Variants in DHX40 observed in about 807,000 individuals in gnomAD.
The protein encoded by DHX40 is probable ATP-dependent RNA helicase DHX40.
Under a neutral mutation model 89.6 loss-of-function variants are expected in DHX40, and 28 were observed. The observed-to-expected ratio is 0.31, with a 90% CI of 0.23 to 0.43. The LOEUF (loss-of-function observed/expected upper bound fraction) is 0.43, where lower values mean the gene tolerates loss of function less well. Among genes scored for constraint, DHX40 ranks in the 20% least tolerant of loss-of-function variants. The probability of loss-of-function intolerance (pLI) is 1.00; values close to 1 mark genes in which losing one functional copy is unlikely to be tolerated. For synonymous variants in DHX40, 226 were observed against 283.6 expected, an observed-to-expected ratio of 0.80 and a Z score of 2.04; for missense variants, 457 against 844.0, an observed-to-expected ratio of 0.54 and a Z score of 5.68.
At chr17:59,568,699 T>C (rs2048743174) in intron 2 of DHX40, among the ~76,000 whole-genome samples, 2 of 152,030 alleles carry the variant, frequency 1.3e-5, no homozygotes, top group Admixed American at 1.3e-4. Flanking sequence ...GGACCTCCAC[T>C]GACTGTAGGT....
At chr17:59,566,836 T>TA in intron 2 of DHX40, 42 bp downstream of exon 2, 1 of 1,512,392 alleles carries the variant, frequency 6.6e-7, no homozygotes, top group Non-Finnish European at 8.8e-7. Context: ...ATTTTAAAAA[T>TA]ATCCTCTTTT....
chr17:59,571,578 C>G (rs1023838946), intron 3 of DHX40, among the ~76,000 whole-genome samples: 1 of 151,814 alleles, frequency 6.6e-6, no homozygotes, highest in African/African-American at 2.4e-5. Context: ...TCTCCCTCCC[C>G]CTAGCCTCTG....
At chr17:59,589,678 C>CA (rs1382433382) in intron 12 of DHX40, among the ~76,000 whole-genome samples, 2 of 135,444 alleles carry the variant, frequency 1.5e-5, no homozygotes, top group African/African-American at 5.7e-5. Context: ...TGAGGGTTTA[C>CA]CGTGCCTTAG....
intron 14 of DHX40, among the ~76,000 whole-genome samples, chr17:59,602,293 C>T (rs1287419333): frequency 1.3e-5 from 2 of 152,132 alleles, no homozygotes; most frequent in Non-Finnish European, 2.9e-5. Context: ...GGGCGTACTG[C>T]GTTTATTTCC....
Position 59,607,054 on chromosome 17 carries a change from TAAAG to T in DHX40, c.2226_2229del (p.Lys743CysfsTer77), listed in dbSNP as rs1352695830. On this transcript the variant is annotated frameshift_variant, in exon 18 of 18. Coordinates refer to ENST00000251241, the MANE Select transcript of DHX40 (RefSeq NM_024612.5). LOFTEE classifies it high-confidence loss of function. ...TCAGATGGAATATCGAAAGACGTCT[TAAAG>T]AAAATGCAAAGAAGAAATGATGACA... 5.0e-6 allele frequency: 8 copies of T among 1,613,646 alleles called. No homozygotes were observed. Among genetic ancestry groups the T allele is most frequent in the South Asian group, 1.1e-5 (1 of 90,950 alleles).
At chr17:59,567,464 G>C (rs955744592) in intron 2 of DHX40, among the ~76,000 whole-genome samples, 8 of 152,188 alleles carry the variant, frequency 5.3e-5, no homozygotes, top group African/African-American at 1.9e-4. Flanking sequence ...ACTTTGACAA[G>C]AAAAGTAACT....
intron 10 of DHX40, among the ~76,000 whole-genome samples, chr17:59,585,369 C>A (rs2048978611): frequency 7.1e-6 from 1 of 141,516 alleles, no homozygotes; most frequent in East Asian, 2.1e-4. Context: ...CACTGCACTC[C>A]AACCTGGGCA....
intron 14 of DHX40, among the ~76,000 whole-genome samples, chr17:59,600,918 C>A (rs1375224201): frequency 7.0e-6 from 1 of 143,766 alleles, no homozygotes; most frequent in Non-Finnish European, 1.5e-5. Flanking sequence ...AAAACATTTA[C>A]AATGTTGTGC....
chr17:59,571,319 C>T (rs947751339), intron 3 of DHX40, among the ~76,000 whole-genome samples: 7 of 151,652 alleles, frequency 4.6e-5, no homozygotes, highest in Admixed American at 2.0e-4. Context: ...TAGCTGGGCA[C>T]GGTGGTGCAT....
At chr17:59,589,092 A>G (rs536877770) in intron 12 of DHX40, among the ~76,000 whole-genome samples, 2 of 151,742 alleles carry the variant, frequency 1.3e-5, no homozygotes, top group South Asian at 4.2e-4. Flanking sequence ...TTGGAGCTTT[A>G]TAGTAACTCT....
intron 4 of DHX40, among the ~76,000 whole-genome samples, 157 bp downstream of exon 4, chr17:59,573,392 C>T (rs1387139891): frequency 3.3e-5 from 5 of 152,114 alleles, no homozygotes; most frequent in Admixed American, 1.3e-4. Flanking sequence ...AGCAGTGGCA[C>T]GATCATAGCT....
chr17:59,565,709 G>A lies in DHX40; in HGVS notation c.38G>A (p.Arg13Lys). ...RFPAVAGRAP[R>K]RQEEGERSRD... is the part of the protein sequence containing the mutation. ...CCCGCAGTCGCGGGCAGGGCGCCAA[G>A]GCGGCAGGAGGAGGGTGAGCGGTCA... Residue 13 changes from arginine (R) to lysine (K), a missense_variant, in exon 1 of 18, where the codon AGG becomes AAG. By Grantham distance (26) the Arg-to-Lys change is conservative (BLOSUM62 2). Coordinates refer to ENST00000251241, the MANE Select transcript of DHX40 (RefSeq NM_024612.5). 1 of 1,604,044 alleles carries A rather than the reference G, an allele frequency of 6.2e-7. No homozygotes were observed. Among genetic ancestry groups the A allele is most frequent in the Non-Finnish European group, 8.5e-7 (1 of 1,179,702 alleles).
intron 11 of DHX40, among the ~76,000 whole-genome samples, chr17:59,586,500 A>C (rs2143282441): frequency 6.6e-6 from 1 of 151,794 alleles, no homozygotes; most frequent in South Asian, 2.1e-4. Context: ...GTCTCTACTA[A>C]AAATACAAAA....
At chr17:59,574,425 A>C (rs1355579273) in intron 6 of DHX40, among the ~76,000 whole-genome samples, 171 bp downstream of exon 6, 1 of 150,548 alleles carries the variant, frequency 6.6e-6, no homozygotes, top group Non-Finnish European at 1.5e-5. Context: ...ATTGTAAGCT[A>C]GCTGCCAAAG....
At chr17:59,592,161 A>G (rs2049093323) in intron 12 of DHX40, among the ~76,000 whole-genome samples, 1 of 151,702 alleles carries the variant, frequency 6.6e-6, no homozygotes, top group African/African-American at 2.4e-5. Flanking sequence ...GTAAGCCACT[A>G]TGCCCGGCCT....
chr17:59,572,599 G>A (rs574320935), intron 3 of DHX40, among the ~76,000 whole-genome samples: 10 of 152,134 alleles, frequency 6.6e-5, no homozygotes, highest in African/African-American at 2.4e-4. Context: ...GGCTGGTCTC[G>A]AACTCCTGGA....
intron 3 of DHX40, among the ~76,000 whole-genome samples, chr17:59,572,802 C>T (rs1269179133): frequency 6.6e-6 from 1 of 152,234 alleles, no homozygotes; most frequent in Admixed American, 6.5e-5. Flanking sequence ...TCTCATTTCA[C>T]TGTTGTTTCC....
At chr17:59,592,335 G>A (rs1269182038) in intron 12 of DHX40, among the ~76,000 whole-genome samples, 1 of 151,406 alleles carries the variant, frequency 6.6e-6, no homozygotes, top group Non-Finnish European at 1.5e-5. Context: ...TTTGTTTACA[G>A]TTAATTTTAG....
chr17:59,597,879 G>T (rs925230857), intron 12 of DHX40, among the ~76,000 whole-genome samples: 1 of 149,556 alleles, frequency 6.7e-6, no homozygotes, highest in African/African-American at 2.5e-5. Context: ...AGCTTGCAGT[G>T]AGCCGAGATC....
Sources: allele counts gnomAD v4.1 joint callset (sites outside exome capture counted in the v4.1 genomes callset), GRCh38; gene constraint gnomAD v4.1.1; transcripts MANE v1.5; gene names NCBI Gene and HGNC (gene_info 2026-07-23, HGNC 2026-07-21).